The following ATRN variants were observed in gnomAD, a reference collection of about 807,000 sequenced individuals.
The protein encoded by ATRN is attractin, also known as attractin-2.
Under a neutral mutation model 178.7 loss-of-function variants are expected in ATRN, and 54 were observed. The ratio of observed to expected loss-of-function variants is 0.30; its 90% CI spans 0.24 to 0.38. ATRN has a LOEUF of 0.38. ATRN is among the 10% of genes least tolerant of loss of function. The pLI is 1.00. For missense variants in ATRN, 1,443 were observed against 1,815.1 expected, an observed-to-expected ratio of 0.79 and a Z score of 3.73; for synonymous variants, 636 against 663.0, an observed-to-expected ratio of 0.96 and a Z score of 0.63.
At chr20:3,602,963 CAAAAAAAA>C (rs3842439) in intron 23 of ATRN, among the ~76,000 whole-genome samples, 17 of 40,876 alleles carry the variant, frequency 4.2e-4, no homozygotes, top group African/African-American at 1.4e-3. Context: ...AATTCCATCT[CAAAAAAAA>C]AAAAAAAAAA....
intron 25 of ATRN, among the ~76,000 whole-genome samples, chr20:3,631,485 C>G: frequency 6.6e-6 from 1 of 152,120 alleles, no homozygotes; most frequent in East Asian, 1.9e-4. Context: ...AGACTGTGTC[C>G]TAATGAGATG....
chr20:3,561,126 G>T, intron 8 of ATRN, among the ~76,000 whole-genome samples: 1 of 152,102 alleles, frequency 6.6e-6, no homozygotes, highest in East Asian at 1.9e-4. Flanking sequence ...TTCAAGACCA[G>T]CCTGGCACCA....
intron 14 of ATRN, among the ~76,000 whole-genome samples, chr20:3,578,050 GC>G (rs1568741539): frequency 1.3e-5 from 2 of 152,168 alleles, no homozygotes; most frequent in African/African-American, 4.8e-5. Flanking sequence ...GTATGCTATA[GC>G]CATATCACTT....
chr20:3,612,943 T>A (rs1403354139), intron 24 of ATRN, among the ~76,000 whole-genome samples: 4 of 152,200 alleles, frequency 2.6e-5, no homozygotes, highest in African/African-American at 7.2e-5. Context: ...ATGCCGAGTT[T>A]TTTTCCTCCC....
chr20:3,620,351 A>C (rs183906528), intron 24 of ATRN, among the ~76,000 whole-genome samples: 7 of 152,146 alleles, frequency 4.6e-5, no homozygotes, highest in Admixed American at 4.6e-4. Context: ...GGTTTGAGCA[A>C]TTCTTGTGCC....
At position 3,471,536 on chromosome 20, in the gene ATRN, C is replaced by T. The variant is rs759497948; in HGVS notation, c.410+19C>T. 7.9e-5 allele frequency: 109 copies of T among 1,377,640 alleles called. No homozygotes were observed. The highest frequency in any genetic ancestry group is 5.8e-4 in the South Asian group (34 of 58,802). The allele number at this position is 1,377,640 out of a possible 1,614,324, so 85.3% of individuals were successfully genotyped here. A position where few individuals can be genotyped will look rare whatever the true frequency, so the allele number is the denominator to read the frequency against. On this transcript the variant is annotated intron_variant, in intron 1 of 28. Coordinates refer to ENST00000262919, the MANE Select transcript of ATRN (RefSeq NM_139321.3). ...GCTTCAGGTGAGTGGCGGGTGGTGT[C>T]GGAGGGTCGGGTCCAACCAGAGGCT...
chr20:3,604,875 T>C (rs1191015902), intron 24 of ATRN, among the ~76,000 whole-genome samples: 1 of 152,224 alleles, frequency 6.6e-6, no homozygotes, highest in African/African-American at 2.4e-5. Flanking sequence ...AGCCTGCTCC[T>C]TTCCTCTGTT....
Position 3,648,699 on chromosome 20 carries a change from C to T in ATRN, c.*1852C>T, listed in dbSNP as rs2087124938. On this transcript the variant is annotated 3_prime_UTR_variant, in exon 29 of 29. Coordinates refer to ENST00000262919, the MANE Select transcript of ATRN (RefSeq NM_139321.3). Reference sequence around the variant, plus strand: ...CACCTCTACTTTGAGACTCACCTCTCATAAAGCTTCTTTTTCACATTACTG... The same window carrying T: ...CACCTCTACTTTGAGACTCACCTCTTATAAAGCTTCTTTTTCACATTACTG... 1 of 152,234 alleles carries T rather than the reference C, an allele frequency of 6.6e-6. No individual in the cohort carries two copies. Among genetic ancestry groups the T allele is most frequent in the Non-Finnish European group, 1.5e-5 (1 of 68,066 alleles). 9.4% of individuals were successfully genotyped at this position (152,234 alleles called of 1,614,324 possible).
chr20:3,572,514 C>T (rs140989671), intron 11 of ATRN, among the ~76,000 whole-genome samples: 1 of 152,128 alleles, frequency 6.6e-6, no homozygotes, highest in East Asian at 1.9e-4. Flanking sequence ...TGAAGATTGT[C>T]TGTAAAAAGT....
intron 1 of ATRN, among the ~76,000 whole-genome samples, chr20:3,482,811 C>A (rs1600004900): frequency 2.0e-5 from 3 of 152,292 alleles, no homozygotes; most frequent in Admixed American, 2.0e-4. Flanking sequence ...AAATGTATAA[C>A]TCATTTTTTT....
intron 2 of ATRN, among the ~76,000 whole-genome samples, chr20:3,537,038 T>C (rs2085543362): frequency 6.6e-6 from 1 of 152,200 alleles, no homozygotes; most frequent in Non-Finnish European, 1.5e-5. Context: ...TAACATGATA[T>C]ATAGGTCATT....
At position 3,547,404 on chromosome 20, in the gene ATRN, C is replaced by T. The variant is rs2085720333; in HGVS notation, c.858C>T (p.His286=). The T allele has an allele frequency of 6.2e-7, 1 of 1,613,882 alleles. No individual in the cohort carries two copies. The highest frequency in any genetic ancestry group is 8.5e-7 in the Non-Finnish European group (1 of 1,179,888). ...AAGGTGAAGCATGTGACATTCCTCACTGTACAGACAACTGTGGTTTTCCTC... is the reference window on the plus strand; with the variant it reads ...AAGGTGAAGCATGTGACATTCCTCATTGTACAGACAACTGTGGTTTTCCTC... ...NWKGEACDIP[H]CTDNCGFPHR... is the part of the protein sequence containing the mutation. Residue 286 remains histidine (H), a synonymous_variant, in exon 5 of 29, where the codon CAC becomes CAT. Transcript: ENST00000262919.
Position 3,559,410 on chromosome 20 carries a change from G to A in ATRN, c.1130G>A (p.Arg377Lys), listed in dbSNP as rs776387667. ...NMVLAYDLAS[R>K]EWLPLNRSVN... is the part of the protein sequence containing the mutation. ...TTTTGTAGGTATGACCTTGCTTCTA[G>A]GGAGTGGCTTCCACTAAACCGTTCT... The change falls in exon 7 of 29, where the codon AGG becomes AAG. Residue 377 changes from arginine (R) to lysine (K), a missense_variant. Around this residue, in one of 4 missense-constraint regions of ATRN, gnomAD observed 862 missense variants for 972.1 expected, o/e 0.89. Coordinates refer to ENST00000262919, the MANE Select transcript of ATRN (RefSeq NM_139321.3). The A allele has an allele frequency of 6.2e-7, 1 of 1,613,542 alleles. No homozygotes were observed. The highest frequency in any genetic ancestry group is 1.1e-5 in the South Asian group (1 of 91,066).
At chr20:3,528,807 G>A (rs151534) in intron 1 of ATRN, among the ~76,000 whole-genome samples, 54,516 of 151,844 alleles carry the variant, frequency 0.36, 10,977 homozygotes, top group African/African-American at 0.52. Flanking sequence ...AGGGTACTCA[G>A]AATCTTTTTT....
chr20:3,473,437 C>T lies in ATRN; in HGVS notation c.410+1920C>T, dbSNP rs535440754. The stretch of plus-strand genomic sequence containing the variant: ...GGCCAGGTGGCAGGAGCAGAGAGAG[C>T]AAAGGGGAGCTTGGCAAGACTGGAG... On this transcript the variant is annotated intron_variant, in intron 1 of 28. Coordinates refer to ENST00000262919, the MANE Select transcript of ATRN (RefSeq NM_139321.3). 5.3e-5 allele frequency among the ~76,000 whole-genome samples: 8 copies of T among 152,190 alleles called. No individual in the cohort carries two copies. The South Asian group carries it at 1.7e-3, about 32-fold the overall frequency.
intron 18 of ATRN, among the ~76,000 whole-genome samples, chr20:3,589,766 C>G (rs1489953369): frequency 6.6e-6 from 1 of 152,104 alleles, no homozygotes; most frequent in African/African-American, 2.4e-5. Context: ...CTCTGGTCCA[C>G]TTCGACTGTT....
At chr20:3,527,458 G>A (rs950739309) in intron 1 of ATRN, among the ~76,000 whole-genome samples, 4 of 152,122 alleles carry the variant, frequency 2.6e-5, no homozygotes, top group African/African-American at 4.8e-5. Context: ...AAATAGGAAC[G>A]CTTTTACACT....
intron 17 of ATRN, 56 bp downstream of exon 17, chr20:3,584,139 C>G (rs950394500): frequency 1.9e-5 from 30 of 1,544,310 alleles, no homozygotes; most frequent in Non-Finnish European, 2.6e-5. Flanking sequence ...TAGGCAACAA[C>G]TCAGCCATGA....
chr20:3,544,603 G>A (rs969631374), intron 3 of ATRN, among the ~76,000 whole-genome samples: 1 of 152,038 alleles, frequency 6.6e-6, no homozygotes, highest in Non-Finnish European at 1.5e-5. Flanking sequence ...TTAACCTCAG[G>A]AGTAAAAAGA....
Sources: gnomAD v4.1 joint callset for allele counts (sites outside exome capture counted in the v4.1 genomes callset) on GRCh38, gnomAD v4.1.1 for gene constraint, gnomAD v4.1.1 regional missense constraint, MANE v1.5 for transcripts, NCBI Gene and HGNC (gene_info 2026-07-23, HGNC 2026-07-21) for gene names.